ABR: variants seen among roughly 807,000 people sequenced by gnomAD.
The protein encoded by ABR is active breakpoint cluster region-related protein.
Under a neutral mutation model 107.2 loss-of-function variants are expected in ABR, and 35 were observed. The ratio of observed to expected loss-of-function variants is 0.33; its 90% CI spans 0.25 to 0.43. The LOEUF is 0.43. ABR is among the 20% of genes least tolerant of loss of function. The pLI, the probability that ABR is intolerant of heterozygous loss-of-function variation, is 1.00. For synonymous variants in ABR, 498 were observed against 462.0 expected (o/e 1.08, Z -1.00); for missense variants, 815 against 1,115.2 (o/e 0.73, Z 3.83).
At chr17:1,082,040 G>A in intron 5 of ABR, among the ~76,000 whole-genome samples, 1 of 149,022 alleles carries the variant, frequency 6.7e-6, no homozygotes, top group Non-Finnish European at 1.5e-5. Flanking sequence ...TTCTAAACGT[G>A]GGCATCGACC....
intron 2 of ABR, among the ~76,000 whole-genome samples, chr17:1,106,270 C>T (rs539149924): frequency 6.6e-6 from 1 of 152,272 alleles, no homozygotes; most frequent in African/African-American, 2.4e-5. Flanking sequence ...GGCACATGCT[C>T]ACAACGCAAC....
intron 10 of ABR, among the ~76,000 whole-genome samples, chr17:1,061,350 T>G (rs1434853669): frequency 6.6e-6 from 1 of 152,148 alleles, no homozygotes; most frequent in South Asian, 2.1e-4. Flanking sequence ...GGGACAGCTG[T>G]GCTGGCGAGG....
chr17:1,058,192 T>C lies in ABR; in HGVS notation c.1306-147A>G, dbSNP rs1341748496. ...CTCGCTCTTGTTGCCCAGGCTCTAG[T>C]GCAATGGCAAAATCTCGGCTCACTG... On this transcript the variant is annotated intron_variant, in intron 11 of 22. Coordinates refer to ENST00000302538, the MANE Select transcript of ABR (RefSeq NM_021962.5). The C allele has an allele frequency of 1.2e-5, 7 of 565,122 alleles. No individual in the cohort carries two copies. The East Asian group carries it at 2.3e-4, about 18-fold the overall frequency. The allele number at this position is 565,122 out of a possible 1,614,324, so 35.0% of individuals were successfully genotyped here.
intron 9 of ABR, 62 bp from the exon 10 acceptor site, chr17:1,067,304 T>G (rs1465376489): frequency 2.7e-6 from 4 of 1,472,364 alleles, no homozygotes; most frequent in Non-Finnish European, 3.6e-6. Flanking sequence ...GCCTCAACTC[T>G]TGGGTCCAGA....
At chr17:1,102,240 T>G (rs1377888432) in intron 2 of ABR, among the ~76,000 whole-genome samples, 1 of 152,160 alleles carries the variant, frequency 6.6e-6, no homozygotes, top group Non-Finnish European at 1.5e-5. Flanking sequence ...GTTCGTTCTT[T>G]ACCTGCTGCC....
chr17:1,149,188 C>A (rs2040691198), intron 1 of ABR, among the ~76,000 whole-genome samples: 1 of 151,922 alleles, frequency 6.6e-6, no homozygotes, highest in African/African-American at 2.4e-5. Flanking sequence ...CAGGCGTGAG[C>A]TACCTAGCGC....
chr17:1,090,991 A>G (rs977766429), intron 4 of ABR, among the ~76,000 whole-genome samples: 7 of 152,138 alleles, frequency 4.6e-5, no homozygotes, highest in African/African-American at 1.7e-4. Context: ...AGGGAACCAG[A>G]AGACTTCTGT....
intron 1 of ABR, among the ~76,000 whole-genome samples, chr17:1,213,421 G>A (rs1048930456): frequency 2.0e-5 from 3 of 152,138 alleles, no homozygotes; most frequent in East Asian, 1.9e-4. Flanking sequence ...ACGGAGTCTC[G>A]CTCTGTCCCC....
At chr17:1,216,241 T>C (rs932470736) in intron 1 of ABR, among the ~76,000 whole-genome samples, 1 of 151,998 alleles carries the variant, frequency 6.6e-6, no homozygotes, top group Non-Finnish European at 1.5e-5. Flanking sequence ...GCTCAGCCCT[T>C]ATATCAACTT....
chr17:1,129,527 G>A (rs561666035), intron 1 of ABR, among the ~76,000 whole-genome samples: 6 of 151,970 alleles, frequency 3.9e-5, no homozygotes, highest in African/African-American at 7.3e-5. Context: ...TCAAGACTCC[G>A]TCTCAAAAAA....
chr17:1,149,510 C>T (rs1340375862), intron 1 of ABR, among the ~76,000 whole-genome samples: 1 of 151,804 alleles, frequency 6.6e-6, no homozygotes, highest in Non-Finnish European at 1.5e-5. Flanking sequence ...TTCCACCTCC[C>T]GGGTTCAAGA....
intron 1 of ABR, among the ~76,000 whole-genome samples, chr17:1,194,065 T>A (rs1431136276): frequency 1.3e-5 from 2 of 152,200 alleles, no homozygotes; most frequent in Non-Finnish European, 1.5e-5. Flanking sequence ...ATTTCCATCC[T>A]CTTTCTCCTC....
intron 1 of ABR, among the ~76,000 whole-genome samples, chr17:1,216,888 C>T (rs2043020614): frequency 2.6e-5 from 4 of 152,186 alleles, no homozygotes; most frequent in Admixed American, 1.3e-4. Flanking sequence ...CAGGAAGCCA[C>T]TCTGTGCCCT....
At chr17:1,060,603 T>C (rs1457499956) in intron 10 of ABR, among the ~76,000 whole-genome samples, 1 of 152,180 alleles carries the variant, frequency 6.6e-6, no homozygotes, top group Non-Finnish European at 1.5e-5. Flanking sequence ...CGACCAGCTT[T>C]ACCCTGTACA....
chr17:1,017,615 G>A (rs1196789579), intron 16 of ABR, among the ~76,000 whole-genome samples: 4 of 151,210 alleles, frequency 2.6e-5, no homozygotes, highest in African/African-American at 4.9e-5. Flanking sequence ...CTACAGGTGC[G>A]CACCATCACA....
At chr17:1,073,814 G>A (rs1389493175) in intron 6 of ABR, 137 bp from the exon 7 acceptor site, 2 of 697,914 alleles carry the variant, frequency 2.9e-6, no homozygotes, top group Non-Finnish European at 4.7e-6. Flanking sequence ...TGAGCCCACG[G>A]CAGCCCCCAC....
chr17:1,029,948 C>T (rs2072591903), intron 16 of ABR, among the ~76,000 whole-genome samples: 1 of 151,962 alleles, frequency 6.6e-6, no homozygotes, highest in African/African-American at 2.4e-5. Context: ...GCGTCCACGA[C>T]ACGGACACAC....
chr17:1,096,965 G>A (rs2037498638), intron 3 of ABR, among the ~76,000 whole-genome samples: 1 of 151,500 alleles, frequency 6.6e-6, no homozygotes, highest in African/African-American at 2.4e-5. Flanking sequence ...AGAGAGCCGG[G>A]GAAGGGGGGA....
intron 10 of ABR, among the ~76,000 whole-genome samples, chr17:1,060,278 C>CG (rs1286508827): frequency 6.6e-6 from 1 of 151,988 alleles, no homozygotes; most frequent in East Asian, 1.9e-4. Flanking sequence ...GGCGTGGTGG[C>CG]GGGCGCCTGT....
Sources: allele counts gnomAD v4.1 joint callset (sites outside exome capture counted in the v4.1 genomes callset), GRCh38; gene constraint gnomAD v4.1.1; transcripts MANE v1.5; gene names NCBI Gene and HGNC (gene_info 2026-07-23, HGNC 2026-07-21).